Variants in ZNF804B observed in about 807,000 individuals in gnomAD.
ZNF804B encodes zinc finger protein 804B.
ZNF804B carries 80 observed loss-of-function variants against 101.4 expected under a neutral mutation model. That is an observed-to-expected ratio of 0.79 (90% CI 0.66 to 0.95). The LOEUF is 0.95. Among genes scored for constraint, ZNF804B ranks in the 40% least tolerant of loss-of-function variants. ZNF804B has a pLI of 0.00. For synonymous variants in ZNF804B, 622 were observed against 558.8 expected (o/e 1.11, Z -1.59); for missense variants, 1,673 against 1,561.9 (o/e 1.07, Z -1.20).
intron 1 of ZNF804B, among the ~76,000 whole-genome samples, chr7:89,124,248 A>G (rs1790446721): frequency 6.6e-6 from 1 of 152,232 alleles, no homozygotes; most frequent in African/African-American, 2.4e-5. Flanking sequence ...CTTGAAAAAG[A>G]TTCAAAGCCA....
intron 1 of ZNF804B, among the ~76,000 whole-genome samples, chr7:89,195,355 A>G (rs1490184651): frequency 7.9e-4 from 101 of 128,030 alleles, no homozygotes; most frequent in Admixed American, 1.0e-3. Context: ...TAGGCAGGAG[A>G]AGGAAATAAA....
At position 89,241,605 on chromosome 7, in the gene ZNF804B, C is replaced by T. The variant is rs114015664; in HGVS notation, c.249+23310C>T. Among the ~76,000 whole-genome samples the T allele has an allele frequency of 3.6e-3, 545 of 152,238 alleles. 7 individuals are homozygous for T. Among genetic ancestry groups the T allele is most frequent in the African/African-American group, 0.012 (508 of 41,568 alleles). On this transcript the variant is annotated intron_variant, in intron 2 of 3. Transcript: ENST00000333190. ...TTAAAATAAATGCTGTCTTTAACCT[C>T]TGAGTACTTTCTCCCAAATATAATT...
chr7:88,808,513 G>A (rs1023203124), intron 1 of ZNF804B, among the ~76,000 whole-genome samples: 1 of 152,026 alleles, frequency 6.6e-6, no homozygotes, highest in Non-Finnish European at 1.5e-5. Context: ...TAGCAAGAAG[G>A]AAGTGAGATC....
intron 1 of ZNF804B, among the ~76,000 whole-genome samples, chr7:88,976,592 C>T (rs1228138264): frequency 1.3e-5 from 2 of 151,518 alleles, no homozygotes; most frequent in Middle Eastern, 3.2e-3. Flanking sequence ...ATTTTGTATC[C>T]TGCAACTCTA....
intron 1 of ZNF804B, among the ~76,000 whole-genome samples, chr7:88,868,027 A>G (rs1791759242): frequency 1.4e-5 from 2 of 143,708 alleles, no homozygotes; most frequent in Admixed American, 1.4e-4. Context: ...AATATTCATA[A>G]TTCTACTGTG....
intron 1 of ZNF804B, among the ~76,000 whole-genome samples, chr7:89,115,197 A>G (rs1442446357): frequency 3.9e-5 from 6 of 152,200 alleles, no homozygotes; most frequent in Non-Finnish European, 7.3e-5. Flanking sequence ...AAGATTCCCG[A>G]ATGAAAGAGG....
chr7:88,772,495 T>G (rs899408929), intron 1 of ZNF804B, among the ~76,000 whole-genome samples: 3 of 152,108 alleles, frequency 2.0e-5, no homozygotes, highest in Non-Finnish European at 4.4e-5. Flanking sequence ...CCTAAAATAT[T>G]CATAAGGAGT....
chr7:88,894,761 C>A (rs139338175), intron 1 of ZNF804B, among the ~76,000 whole-genome samples: 2 of 151,822 alleles, frequency 1.3e-5, no homozygotes, highest in African/African-American at 4.8e-5. Flanking sequence ...TCTAAATAGG[C>A]TATATACTGC....
chr7:89,056,977 G>T (rs1198304884), intron 1 of ZNF804B, among the ~76,000 whole-genome samples: 4 of 152,102 alleles, frequency 2.6e-5, no homozygotes, highest in Non-Finnish European at 2.9e-5. Context: ...TCGTTGATTG[G>T]TCAAAGAGTG....
chr7:89,305,379 T>A lies in ZNF804B; in HGVS notation c.250-21965T>A, dbSNP rs149578887. 2.3e-3 allele frequency among the ~76,000 whole-genome samples: 350 copies of A among 152,046 alleles called. 2 individuals carry two copies. Among genetic ancestry groups the A allele is most frequent in the African/African-American group, 8.2e-3 (339 of 41,524 alleles). On this transcript the variant is annotated intron_variant, in intron 2 of 3. Transcript: ENST00000333190. ...TGACAAGATGAGGGTCACATGCACT[T>A]CTGAGATCAAGAAATTACTACATCA...
intron 1 of ZNF804B, among the ~76,000 whole-genome samples, chr7:88,785,277 T>C (rs1215045156): frequency 6.6e-6 from 1 of 151,972 alleles, no homozygotes; most frequent in African/African-American, 2.4e-5. Context: ...CTAGACTCTT[T>C]CCTCTTCTTA....
At chr7:89,219,248 T>G (rs981605897) in intron 2 of ZNF804B, among the ~76,000 whole-genome samples, 1 of 152,152 alleles carries the variant, frequency 6.6e-6, no homozygotes, top group African/African-American at 2.4e-5. Flanking sequence ...TTACAGAATC[T>G]ATTATAGTCT....
chr7:88,960,414 G>A lies in ZNF804B; in HGVS notation c.108+200330G>A, dbSNP rs559161522. Among the ~76,000 whole-genome samples, 10 of 151,354 alleles carry A rather than the reference G, an allele frequency of 6.6e-5. No homozygotes were observed. In the East Asian group the frequency reaches 1.2e-3, roughly 18 times the overall value. On this transcript the variant is annotated intron_variant, in intron 1 of 3. Transcript: ENST00000333190. ...CCTGGAAAGGAAAATGTGTATGTGC[G>A]GGAGTGGGGGATGGTGCTCACAGAA...
At chr7:88,891,914 C>T (rs1792220612) in intron 1 of ZNF804B, among the ~76,000 whole-genome samples, 1 of 152,170 alleles carries the variant, frequency 6.6e-6, no homozygotes, top group East Asian at 1.9e-4. Flanking sequence ...TGATGTTCCC[C>T]TTCCTGTGTC....
At chr7:89,211,635 T>C (rs770587093) in intron 1 of ZNF804B, among the ~76,000 whole-genome samples, 9 of 152,176 alleles carry the variant, frequency 5.9e-5, no homozygotes, top group Admixed American at 3.9e-4. Context: ...GTCAGGTTCA[T>C]TGAAGATCAG....
intron 1 of ZNF804B, among the ~76,000 whole-genome samples, chr7:89,062,499 T>C (rs925356116): frequency 1.3e-5 from 2 of 152,168 alleles, no homozygotes; most frequent in African/African-American, 4.8e-5. Flanking sequence ...TATTTTGTTA[T>C]TTTTATTTAT....
chr7:89,094,920 T>G (rs1376550675), intron 1 of ZNF804B, among the ~76,000 whole-genome samples: 1 of 152,192 alleles, frequency 6.6e-6, no homozygotes, highest in Non-Finnish European at 1.5e-5. Flanking sequence ...TCCCTAGCAA[T>G]ATCTATCATG....
At chr7:89,031,426 A>G (rs1352053614) in intron 1 of ZNF804B, among the ~76,000 whole-genome samples, 4 of 151,978 alleles carry the variant, frequency 2.6e-5, no homozygotes, top group East Asian at 1.9e-4. Context: ...TGAGCTATTT[A>G]AGAACAGGGA....
At chr7:88,964,789 A>T (rs1166596056) in intron 1 of ZNF804B, among the ~76,000 whole-genome samples, 12 of 151,458 alleles carry the variant, frequency 7.9e-5, no homozygotes, top group Admixed American at 7.3e-4. Context: ...TTTCTGTACT[A>T]CTGTGGGAGC....
Sources: allele counts gnomAD v4.1 joint callset (sites outside exome capture counted in the v4.1 genomes callset), GRCh38; gene constraint gnomAD v4.1.1; transcripts MANE v1.5; gene names NCBI Gene and HGNC (gene_info 2026-07-23, HGNC 2026-07-21).